Variants in ADGRL2 observed in about 807,000 individuals in gnomAD.
ADGRL2 encodes the protein calcium-independent alpha-latrotoxin receptor 2.
ADGRL2 carries 44 observed loss-of-function variants against 157.4 expected under a neutral mutation model. The ratio of observed to expected loss-of-function variants is 0.28; its 90% CI spans 0.22 to 0.36. ADGRL2 has a LOEUF of 0.36. ADGRL2 is among the 10% of genes least tolerant of loss of function. The pLI is 1.00. For synonymous variants in ADGRL2, 585 were observed against 624.7 expected (o/e 0.94, Z 0.95); for missense variants, 1,510 against 1,768.9 (o/e 0.85, Z 2.63).
intron 1 of ADGRL2, among the ~76,000 whole-genome samples, chr1:81,324,595 TAC>T (rs1036488889): frequency 1.3e-5 from 2 of 150,676 alleles, no homozygotes; most frequent in African/African-American, 2.4e-5. Context: ...AAATTATATA[TAC>T]ACACACACAC....
In ADGRL2 at chr1:81,601,624, A is replaced by G. The variant is rs149880236; in HGVS notation, c.-143+20644A>G. ...CAGAAAAAGAGAGAGAGAGAAGAAG[A>G]AATCTTAACTAACAAAAAACAGCAC... On this transcript the variant is annotated intron_variant, in intron 3 of 24. Coordinates refer to the ADGRL2 transcript ENST00000370721. Among the ~76,000 whole-genome samples the G allele has an allele frequency of 4.3e-3, 662 of 152,322 alleles. 5 individuals are homozygous for G. Among genetic ancestry groups the G allele is most frequent in the African/African-American group, 0.014 (566 of 41,568 alleles).
intron 2 of ADGRL2, among the ~76,000 whole-genome samples, chr1:81,778,072 G>A (rs1002321299): frequency 6.6e-6 from 1 of 152,150 alleles, no homozygotes; most frequent in Non-Finnish European, 1.5e-5. Context: ...TGTAATCCCA[G>A]CACTTTGGGA....
chr1:81,720,949 A>C (rs772500576), intron 1 of ADGRL2, among the ~76,000 whole-genome samples: 43 of 150,610 alleles, frequency 2.9e-4, no homozygotes, highest in Non-Finnish European at 5.2e-4. Flanking sequence ...ATGGGTTCTA[A>C]GGGGCTATCA....
chr1:81,449,315 C>T (rs1029775876), intron 2 of ADGRL2, among the ~76,000 whole-genome samples: 2 of 151,906 alleles, frequency 1.3e-5, no homozygotes, highest in African/African-American at 4.8e-5. Flanking sequence ...ATTATATTAT[C>T]CAGGGTCTGT....
At chr1:81,825,513 T>G (rs1246059654) in intron 1 of ADGRL2, among the ~76,000 whole-genome samples, 6 of 151,944 alleles carry the variant, frequency 3.9e-5, no homozygotes, top group African/African-American at 1.5e-4. Context: ...CATGCCTAAT[T>G]TTTTGTATTT....
chr1:81,533,469 A>C (rs1484399002), intron 2 of ADGRL2, among the ~76,000 whole-genome samples: 1 of 152,182 alleles, frequency 6.6e-6, no homozygotes, highest in African/African-American at 2.4e-5. Flanking sequence ...TGTTCCTCTG[A>C]ATTTGTCTTC....
chr1:81,581,299 T>C (rs2080901305), intron 3 of ADGRL2, among the ~76,000 whole-genome samples: 1 of 152,220 alleles, frequency 6.6e-6, no homozygotes, highest in Non-Finnish European at 1.5e-5. Context: ...TAGCTTGTTA[T>C]GGTGTTTTCA....
At chr1:81,553,581 C>T (rs1485391075) in intron 2 of ADGRL2, among the ~76,000 whole-genome samples, 1 of 152,142 alleles carries the variant, frequency 6.6e-6, no homozygotes, top group Non-Finnish European at 1.5e-5. Context: ...TGACACACAT[C>T]AATACCTTCT....
Position 81,715,427 on chromosome 1 carries a change from T to C in ADGRL2, c.-143+15619T>C, listed in dbSNP as rs537117408. On this transcript the variant is annotated intron_variant, in intron 1 of 20. Coordinates refer to the ADGRL2 transcript ENST00000359929. ...AAGCACCAGCTCAAATAGTATAATT[T>C]ACCACTGTGAGATTTTTCTGTTAGT... Among the ~76,000 whole-genome samples the C allele has an allele frequency of 2.1e-4, 32 of 152,320 alleles. No individual in the cohort carries two copies. In the South Asian group the frequency reaches 6.0e-3, roughly 29 times the overall value.
chr1:81,718,960 G>C (rs1290602661), intron 1 of ADGRL2, among the ~76,000 whole-genome samples: 1 of 152,206 alleles, frequency 6.6e-6, no homozygotes, highest in Non-Finnish European at 1.5e-5. Flanking sequence ...AAGAGCATTT[G>C]AATTTTTGTG....
At chr1:81,707,901 T>C (rs375796826) in intron 1 of ADGRL2, among the ~76,000 whole-genome samples, 1 of 152,172 alleles carries the variant, frequency 6.6e-6, no homozygotes, top group African/African-American at 2.4e-5. Flanking sequence ...TAATAGGTAA[T>C]CTCTGTGTTA....
intron 3 of ADGRL2, among the ~76,000 whole-genome samples, chr1:81,934,359 A>G (rs1266847986): frequency 6.6e-6 from 1 of 152,038 alleles, no homozygotes; most frequent in Non-Finnish European, 1.5e-5. Flanking sequence ...CCTGCAGAAC[A>G]TACCATGACA....
intron 1 of ADGRL2, among the ~76,000 whole-genome samples, chr1:81,312,988 A>C (rs1659857495): frequency 6.6e-6 from 1 of 152,204 alleles, no homozygotes; most frequent in Non-Finnish European, 1.5e-5. Flanking sequence ...CAGCTTCCTT[A>C]AATGGAAAAA....
At chr1:81,973,196 GA>G (rs1343824262) in intron 17 of ADGRL2, among the ~76,000 whole-genome samples, 2 of 152,128 alleles carry the variant, frequency 1.3e-5, no homozygotes, top group Non-Finnish European at 2.9e-5. Context: ...AAAGTGAAAT[GA>G]AAATTTGAGA....
intron 3 of ADGRL2, among the ~76,000 whole-genome samples, chr1:81,587,249 C>T (rs150050278): frequency 2.5e-4 from 38 of 151,952 alleles, no homozygotes; most frequent in Middle Eastern, 6.8e-3. Context: ...TAAACAATAA[C>T]AAAGAATATG....
At chr1:81,989,567 G>T in intron 23 of ADGRL2, 2 of 960,894 alleles carry the variant, frequency 2.1e-6, no homozygotes, top group Admixed American at 2.1e-5. Flanking sequence ...AATCTAATTT[G>T]TTGAACCCTT....
intron 11 of ADGRL2, among the ~76,000 whole-genome samples, chr1:81,958,561 T>C (rs147302502): frequency 1.2e-4 from 19 of 152,320 alleles, no homozygotes; most frequent in Non-Finnish European, 2.8e-4. Context: ...GATTTACCCT[T>C]AATAATACAT....
intron 2 of ADGRL2, among the ~76,000 whole-genome samples, chr1:81,495,158 A>G (rs1277517584): frequency 6.6e-6 from 1 of 152,118 alleles, no homozygotes; most frequent in Non-Finnish European, 1.5e-5. Flanking sequence ...ATAACGATTC[A>G]GAGAAAATCA....
intron 2 of ADGRL2, among the ~76,000 whole-genome samples, chr1:81,488,194 T>A (rs992482864): frequency 1.3e-5 from 2 of 152,012 alleles, no homozygotes; most frequent in African/African-American, 4.8e-5. Context: ...ATGAGGAAAA[T>A]TTGAAAGTGA....
Sources: allele counts gnomAD v4.1 joint callset (sites outside exome capture counted in the v4.1 genomes callset), GRCh38; gene constraint gnomAD v4.1.1; transcripts MANE v1.5; gene names NCBI Gene and HGNC (gene_info 2026-07-23, HGNC 2026-07-21).